The following FAT4 variants were observed in gnomAD, a reference collection of about 807,000 sequenced individuals.
The protein encoded by FAT4 is protocadherin Fat 4.
Under a neutral mutation model 303.9 loss-of-function variants are expected in FAT4, and 84 were observed. That is an observed-to-expected ratio of 0.28 (90% confidence interval 0.23 to 0.33). The LOEUF (loss-of-function observed/expected upper bound fraction) is 0.33. Ranked by LOEUF, FAT4 falls within the 10% of genes least tolerant of loss-of-function variation. FAT4 has a pLI of 1.00. For synonymous variants in FAT4, 2,307 were observed against 2,298.8 expected, an observed-to-expected ratio of 1.00 and a Z score of -0.10; for missense variants, 6,005 against 6,146.8, an observed-to-expected ratio of 0.98 and a Z score of 0.77.
rs1164670703 is a variant in FAT4 at position 125,321,579 on chromosome 4, G to C, written c.5168G>C (p.Arg1723Thr). 6.3e-6 allele frequency: 10 copies of C among 1,589,528 alleles called. No homozygotes were observed. The highest frequency in any genetic ancestry group is 3.4e-4 in the Middle Eastern group (2 of 5,930). Residue 1723 changes from arginine to threonine, a missense_variant, in exon 2 of 18, where the codon AGA becomes ACA. Arg to Thr is a moderately conservative substitution (Grantham distance 71). Transcript: ENST00000394329. ...EKSTAFPRTQ[R>T]AEVEITLQDI... ...TCAACTGCTTTTCCCAGAACACAGAGAGCAGAGGTAATGATTTTGTAGTCA... is the reference window on the plus strand; with the variant it reads ...TCAACTGCTTTTCCCAGAACACAGACAGCAGAGGTAATGATTTTGTAGTCA...
chr4:125,410,898 C>T (rs556956669), intron 5 of FAT4, among the ~76,000 whole-genome samples: 12 of 152,022 alleles, frequency 7.9e-5, no homozygotes, highest in South Asian at 4.1e-4. Context: ...GTTTTGAATA[C>T]GTTTATCAGT....
chr4:125,451,278 C>T lies in FAT4; in HGVS notation c.10268C>T (p.Thr3423Ile), dbSNP rs143241506. 7 of 1,614,070 alleles carry T rather than the reference C, an allele frequency of 4.3e-6. No homozygotes were observed. The highest frequency in any genetic ancestry group is 1.6e-4 in the Middle Eastern group (1 of 6,062). ...VQISEGVPIG[T>I]HVTFVSAFDS... ...ATCAGTGAAGGGGTCCCAATAGGAA[C>T]TCATGTGACCTTTGTCAGTGCCTTT... The change falls in exon 10 of 18, where the codon ACT (threonine) becomes ATT (isoleucine). Residue 3423 changes from threonine to isoleucine, a missense_variant. Thr to Ile is a moderately conservative substitution (Grantham distance 89, BLOSUM62 -1). Transcript: ENST00000394329.
At position 125,316,774 on chromosome 4, in the gene FAT4, G is replaced by T; in HGVS notation, c.363G>T (p.Val121=). 1 of 1,614,022 alleles carries T rather than the reference G, an allele frequency of 6.2e-7. No homozygotes were observed. Reference sequence around the variant, plus strand: ...GCGCGCCCACCTACCCCACCGAAGTGCGAGTGCTGGTGCGGGACCTCAATG... The same window carrying T: ...GCGCGCCCACCTACCCCACCGAAGTTCGAGTGCTGGTGCGGGACCTCAATG... The part of the protein sequence containing the change: ...LSSAPTYPTE[V]RVLVRDLNDN... Residue 121 remains valine, a synonymous_variant, in exon 2 of 18, where the codon GTG becomes GTT. Coordinates refer to ENST00000394329, the MANE Select transcript of FAT4 (RefSeq NM_001291303.3). The surrounding 1 kb of genome is among the most constrained non-coding windows in gnomAD (Gnocchi z 5.7).
chr4:125,484,052 GACACACATACAC>G (rs1210323588), intron 16 of FAT4, among the ~76,000 whole-genome samples: 1 of 83,240 alleles, frequency 1.2e-5, no homozygotes, highest in African/African-American at 4.6e-5. Flanking sequence ...TCTCTCTACA[GACACACATACAC>G]ACACACACAC....
At chr4:125,377,421 T>C (rs1733374938) in intron 2 of FAT4, among the ~76,000 whole-genome samples, 1 of 152,140 alleles carries the variant, frequency 6.6e-6, no homozygotes, top group African/African-American at 2.4e-5. Context: ...AGCTCCTCCC[T>C]ATATTTATGA....
intron 12 of FAT4, among the ~76,000 whole-genome samples, chr4:125,472,072 C>CAAA (rs774403195): frequency 6.1e-4 from 45 of 73,348 alleles, no homozygotes; most frequent in Admixed American, 1.4e-3. Context: ...GACTCTGTCT[C>CAAA]AAAAAAAAAA....
intron 2 of FAT4, among the ~76,000 whole-genome samples, chr4:125,323,073 A>G (rs1054381947): frequency 2.0e-4 from 31 of 152,182 alleles, no homozygotes; most frequent in Admixed American, 2.0e-3. Flanking sequence ...TGGAATGAAT[A>G]CTTACATGAA....
chr4:125,372,130 T>G (rs962496924), intron 2 of FAT4, among the ~76,000 whole-genome samples: 8 of 152,010 alleles, frequency 5.3e-5, no homozygotes, highest in African/African-American at 1.9e-4. Context: ...GAGGGTTGCA[T>G]GTGCTTAGGA....
intron 10 of FAT4, 36 bp from the exon 11 acceptor site, chr4:125,463,527 T>G: frequency 1.3e-4 from 171 of 1,294,778 alleles, no homozygotes; most frequent in Non-Finnish European, 1.7e-4. Flanking sequence ...TATTTATGTA[T>G]GAGATTTAAA....
At position 125,317,904 on chromosome 4, in the gene FAT4, C is replaced by G. The variant is rs1730705643; in HGVS notation, c.1493C>G (p.Ser498Cys). The part of the protein sequence containing the change: ...APPGSYVSGI[S>C]ATDGDSGLNA... ...CCGGGAAGCTATGTGAGTGGGATAT[C>G]TGCCACTGATGGCGACTCTGGTCTC... The change falls in exon 2 of 18, where the codon TCT becomes TGT. Residue 498 changes from serine to cysteine, a missense_variant. By Grantham distance (112) the Ser-to-Cys change is moderately radical. Coordinates refer to ENST00000394329, the MANE Select transcript of FAT4 (RefSeq NM_001291303.3). The surrounding 1 kb of genome is among the most constrained non-coding windows in gnomAD (Gnocchi z 7.0). The G allele has an allele frequency of 1.9e-6, 3 of 1,614,080 alleles. No homozygotes were observed. The highest frequency in any genetic ancestry group is 1.1e-5 in the South Asian group (1 of 91,090).
At chr4:125,395,156 T>C (rs1348966121) in intron 2 of FAT4, among the ~76,000 whole-genome samples, 1 of 152,128 alleles carries the variant, frequency 6.6e-6, no homozygotes, top group African/African-American at 2.4e-5. Flanking sequence ...CTCTCCTAGA[T>C]AATTAAAACC....
rs1486522862 is a variant in FAT4, at chr4:125,317,917, C to A, written c.1506C>A (p.Gly502=). The change falls in exon 2 of 18, where the codon GGC becomes GGA. Residue 502 remains glycine, a synonymous_variant. Transcript: ENST00000394329. The surrounding 1 kb of genome is among the most constrained non-coding windows in gnomAD (Gnocchi z 7.0). ...TGAGTGGGATATCTGCCACTGATGG[C>A]GACTCTGGTCTCAATGCTAATCTGC... ...SYVSGISATD[G]DSGLNANLRY... 6.2e-7 allele frequency: 1 copy of A among 1,614,132 alleles called. No homozygotes were observed. Among genetic ancestry groups the A allele is most frequent in the East Asian group, 2.2e-5 (1 of 44,860 alleles).
chr4:125,340,242 T>C (rs1262048421), intron 2 of FAT4, among the ~76,000 whole-genome samples: 1 of 152,208 alleles, frequency 6.6e-6, no homozygotes, highest in Non-Finnish European at 1.5e-5. Flanking sequence ...AAACTTAATG[T>C]ACATGAGACT....
rs778113414 is a variant in FAT4 at position 125,451,378 on chromosome 4, T to G, written c.10368T>G (p.Ser3456=). 1.2e-6 allele frequency: 2 copies of G among 1,614,162 alleles called. No individual in the cohort carries two copies. The part of the protein sequence containing the change: ...IGSGNENGAF[S]INPQTGQITV... Reference sequence around the variant, plus strand: ...CAGGGAATGAAAATGGTGCCTTTTCTATTAATCCGCAGACAGGACAGATCA... The same window carrying G: ...CAGGGAATGAAAATGGTGCCTTTTCGATTAATCCGCAGACAGGACAGATCA... The change falls in exon 10 of 18, where the codon TCT becomes TCG. Residue 3456 remains serine (S), a synonymous_variant. Coordinates refer to ENST00000394329, the MANE Select transcript of FAT4 (RefSeq NM_001291303.3).
chr4:125,361,188 G>A (rs1028571438), intron 2 of FAT4, among the ~76,000 whole-genome samples: 1 of 152,022 alleles, frequency 6.6e-6, no homozygotes, highest in African/African-American at 2.4e-5. Context: ...CCTGTGATAA[G>A]TGTTGGAGGG....
intron 8 of FAT4, 50 bp downstream of exon 8, chr4:125,434,475 A>G (rs374112792): frequency 5.9e-6 from 9 of 1,520,316 alleles, no homozygotes; most frequent in Non-Finnish European, 8.2e-6. Context: ...ATTAAACATT[A>G]GTTTTTGAAC....
intron 2 of FAT4, among the ~76,000 whole-genome samples, chr4:125,368,145 G>A (rs978263003): frequency 1.3e-5 from 2 of 152,090 alleles, no homozygotes; most frequent in African/African-American, 2.4e-5. Context: ...AGAGGTTCTT[G>A]AAATGGCCTT....
chr4:125,324,266 G>A (rs554924600), intron 2 of FAT4, among the ~76,000 whole-genome samples: 6 of 152,282 alleles, frequency 3.9e-5, no homozygotes, highest in East Asian at 3.9e-4. Context: ...ATGTACTTCA[G>A]TAAGCATTTA....
chr4:125,415,154 C>T lies in FAT4; in HGVS notation c.6191C>T (p.Pro2064Leu). Residue 2064 changes from proline to leucine, a missense_variant, in exon 6 of 18, where the codon CCT becomes CTT. Coordinates refer to ENST00000394329, the MANE Select transcript of FAT4 (RefSeq NM_001291303.3). ...PKLTYIPENT[P>L]IDTVVFKAQA... ...TTGACATACATTCCAGAAAATACAC[C>T]TATTGATACTGTTGTTTTCAAAGCT... 6.2e-7 allele frequency: 1 copy of T among 1,613,996 alleles called. No individual in the cohort carries two copies. The highest frequency in any genetic ancestry group is 1.7e-5 in the Admixed American group (1 of 59,996).
Sources: allele counts gnomAD v4.1 joint callset (sites outside exome capture counted in the v4.1 genomes callset), GRCh38; gene constraint gnomAD v4.1.1; non-coding constraint Gnocchi (gnomAD v3.1); transcripts MANE v1.5; gene names NCBI Gene and HGNC (gene_info 2026-07-23, HGNC 2026-07-21).